The following NAALADL2 variants were observed in gnomAD, a reference collection of about 807,000 sequenced individuals.
The protein encoded by NAALADL2 is N-acetylated alpha-linked acidic dipeptidase like 2.
Under a neutral mutation model 87.2 loss-of-function variants are expected in NAALADL2, and 76 were observed. That is an observed-to-expected ratio of 0.87 (90% CI 0.72 to 1.05). The LOEUF (loss-of-function observed/expected upper bound fraction) is 1.05. NAALADL2 is among the 50% of genes least tolerant of loss of function. The pLI, the probability that NAALADL2 is intolerant of heterozygous loss-of-function variation, is 0.00. For missense variants in NAALADL2, 1,089 were observed against 945.8 expected, an observed-to-expected ratio of 1.15 and a Z score of -1.99; for synonymous variants, 354 against 331.0, an observed-to-expected ratio of 1.07 and a Z score of -0.75.
chr3:175,004,565 C>T lies in NAALADL2; in HGVS notation c.44-92225C>T, dbSNP rs531548303. On this transcript the variant is annotated intron_variant, in intron 1 of 13. Transcript: ENST00000454872. ...TTTTTTATTGGTATTAATGGTATGTCATATTTTTACGTGTGAGGAAGTATA... is the reference window on the plus strand; with the variant it reads ...TTTTTTATTGGTATTAATGGTATGTTATATTTTTACGTGTGAGGAAGTATA... 3.3e-5 allele frequency among the ~76,000 whole-genome samples: 5 copies of T among 151,708 alleles called. No individual in the cohort carries two copies. In the South Asian group the frequency reaches 1.0e-3, roughly 32 times the overall value.
chr3:175,799,041 T>G (rs1023118275), intron 13 of NAALADL2, among the ~76,000 whole-genome samples: 1 of 152,048 alleles, frequency 6.6e-6, no homozygotes, highest in Admixed American at 6.6e-5. Context: ...TAAGGAATAG[T>G]TTTTGATAAT....
chr3:174,557,819 A>T (rs1174045539), intron 2 of NAALADL2, among the ~76,000 whole-genome samples: 1 of 152,152 alleles, frequency 6.6e-6, no homozygotes, highest in Non-Finnish European at 1.5e-5. Context: ...TCATGTTATG[A>T]GCCATTACAG....
At chr3:175,174,633 CAT>C (rs548939999) in intron 2 of NAALADL2, among the ~76,000 whole-genome samples, 31 of 152,068 alleles carry the variant, frequency 2.0e-4, no homozygotes, top group South Asian at 6.2e-4. Flanking sequence ...GACATACACA[CAT>C]GAGTGTTATT....
intron 1 of NAALADL2, among the ~76,000 whole-genome samples, chr3:174,537,181 G>C (rs1329260132): frequency 6.6e-6 from 1 of 152,156 alleles, no homozygotes; most frequent in Non-Finnish European, 1.5e-5. Context: ...TTGTAGAAAT[G>C]TATCACAAGG....
chr3:174,540,086 T>C, intron 1 of NAALADL2, among the ~76,000 whole-genome samples: 1 of 149,674 alleles, frequency 6.7e-6, no homozygotes, highest in East Asian at 2.0e-4. Flanking sequence ...GGTCAAATAT[T>C]AAAAAGACTA....
chr3:174,723,929 A>C lies in NAALADL2; in HGVS notation c.-114-13712A>C, dbSNP rs546626445. On this transcript the variant is annotated intron_variant, in intron 2 of 3. Coordinates refer to the NAALADL2 transcript ENST00000434257. ...TATTAGTACGTATGGTCATTGTGTA[A>C]ATATGCAATCCCTTGATGACGTCTT... is the stretch of plus-strand genomic sequence containing the variant. 7.4e-3 allele frequency among the ~76,000 whole-genome samples: 1,127 copies of C among 152,188 alleles called. 6 individuals are homozygous for C. The highest frequency in any genetic ancestry group is 0.012 in the Non-Finnish European group (839 of 68,008).
intron 1 of NAALADL2, among the ~76,000 whole-genome samples, chr3:175,027,341 C>G (rs759933919): frequency 7.9e-5 from 12 of 151,984 alleles, no homozygotes; most frequent in Non-Finnish European, 1.5e-4. Flanking sequence ...CTGTATAAAA[C>G]ACAAAACTGA....
intron 2 of NAALADL2, among the ~76,000 whole-genome samples, chr3:175,113,188 A>G (rs775467596): frequency 6.6e-6 from 1 of 151,620 alleles, no homozygotes; most frequent in Admixed American, 6.6e-5. Context: ...CAGACAGGGT[A>G]ACTCTCTAAA....
chr3:175,665,112 G>A lies in NAALADL2; in HGVS notation c.1896+37726G>A, dbSNP rs188632457. ...AATTTATCTCACACCTGCCCAGACA[G>A]ACACAACAGTCTAGCTCATCCATCA... On this transcript the variant is annotated intron_variant, in intron 11 of 13. Transcript: ENST00000454872. 1.5e-3 allele frequency among the ~76,000 whole-genome samples: 234 copies of A among 151,766 alleles called. 1 individual carries two copies. Among genetic ancestry groups the A allele is most frequent in the African/African-American group, 5.3e-3 (218 of 41,066 alleles).
chr3:175,735,199 C>T (rs929781694), intron 11 of NAALADL2, among the ~76,000 whole-genome samples: 1 of 152,216 alleles, frequency 6.6e-6, no homozygotes, highest in Non-Finnish European at 1.5e-5. Context: ...GTCACCTTTG[C>T]TCCAGTTCCC....
intron 1 of NAALADL2, among the ~76,000 whole-genome samples, chr3:174,872,565 A>G (rs1202973468): frequency 2.0e-5 from 3 of 152,230 alleles, no homozygotes; most frequent in Non-Finnish European, 4.4e-5. Context: ...TGTTCATCCA[A>G]CAAATATTTA....
intron 1 of NAALADL2, among the ~76,000 whole-genome samples, chr3:174,534,491 C>CGATGTT (rs1469561052): frequency 2.0e-5 from 3 of 152,210 alleles, no homozygotes; most frequent in African/African-American, 7.2e-5. Flanking sequence ...GCCATCCTCA[C>CGATGTT]GATGTTGGCT....
intron 1 of NAALADL2, among the ~76,000 whole-genome samples, chr3:175,070,950 T>C (rs975149983): frequency 2.6e-5 from 4 of 152,098 alleles, no homozygotes; most frequent in African/African-American, 4.8e-5. Context: ...TTTTAAGACA[T>C]ACGATCTCAG....
intron 1 of NAALADL2, among the ~76,000 whole-genome samples, chr3:175,007,522 G>A (rs1003533366): frequency 6.6e-6 from 1 of 152,104 alleles, no homozygotes; most frequent in Non-Finnish European, 1.5e-5. Flanking sequence ...CAGAAAGAAG[G>A]CCCCTGGGGC....
chr3:175,407,258 C>A (rs1318667712), intron 5 of NAALADL2, among the ~76,000 whole-genome samples: 1 of 152,046 alleles, frequency 6.6e-6, no homozygotes, highest in Non-Finnish European at 1.5e-5. Context: ...ATCATTTTTT[C>A]TCTTATTTGC....
intron 11 of NAALADL2, among the ~76,000 whole-genome samples, chr3:175,630,682 T>G (rs1429982773): frequency 6.6e-6 from 1 of 151,736 alleles, no homozygotes; most frequent in Non-Finnish European, 1.5e-5. Context: ...TAGAATACTT[T>G]TTTTCACTGA....
chr3:174,858,711 A>C (rs1229407807), upstream of NAALADL2, among the ~76,000 whole-genome samples: 1 of 151,944 alleles, frequency 6.6e-6, no homozygotes, highest in Admixed American at 6.6e-5. Context: ...AAAATTAGAA[A>C]TTGTTTTTTG....
intron 5 of NAALADL2, among the ~76,000 whole-genome samples, chr3:175,407,086 A>G (rs758454609): frequency 5.0e-4 from 76 of 152,140 alleles, no homozygotes; most frequent in Non-Finnish European, 8.5e-4. Flanking sequence ...TGTGAGGCTG[A>G]GGCAGGAGAA....
chr3:175,583,080 T>C (rs1720013177), intron 10 of NAALADL2, among the ~76,000 whole-genome samples: 1 of 152,144 alleles, frequency 6.6e-6, no homozygotes, highest in East Asian at 1.9e-4. Flanking sequence ...AAACCTAACC[T>C]ACCAAACATG....
Sources: allele counts gnomAD v4.1 joint callset (sites outside exome capture counted in the v4.1 genomes callset), GRCh38; gene constraint gnomAD v4.1.1; transcripts MANE v1.5; gene names NCBI Gene and HGNC (gene_info 2026-07-23, HGNC 2026-07-21).